The following MRTFA variants were observed in gnomAD, a reference collection of about 807,000 sequenced individuals.
MRTFA encodes the protein myocardin related transcription factor A.
A neutral mutation model predicts 83.5 loss-of-function variants in MRTFA; 20 were observed. The ratio of observed to expected loss-of-function variants is 0.24; its 90% CI spans 0.17 to 0.35. The LOEUF (loss-of-function observed/expected upper bound fraction) is 0.35, where lower values mean the gene tolerates loss of function less well. MRTFA is among the 10% of genes least tolerant of loss of function. The pLI is 1.00. For missense variants in MRTFA, 1,200 were observed against 1,224.7 expected (o/e 0.98, Z 0.30); for synonymous variants, 659 against 541.2 (o/e 1.22, Z -3.02).
intron 1 of MRTFA, among the ~76,000 whole-genome samples, chr22:40,604,738 T>C (rs544078399): frequency 6.6e-6 from 1 of 151,402 alleles, no homozygotes; most frequent in African/African-American, 2.4e-5. Context: ...AGAGCAAGAC[T>C]CCATCTCAAA....
intron 2 of MRTFA, among the ~76,000 whole-genome samples, chr22:40,554,006 C>T (rs1384138251): frequency 6.6e-6 from 1 of 152,192 alleles, no homozygotes; most frequent in Non-Finnish European, 1.5e-5. Flanking sequence ...TCTGACTGCC[C>T]CACTGGATTC....
chr22:40,471,800 A>G (rs1411283613), intron 3 of MRTFA, among the ~76,000 whole-genome samples: 1 of 152,186 alleles, frequency 6.6e-6, no homozygotes, highest in Non-Finnish European at 1.5e-5. Context: ...TGAATCTGGG[A>G]GGTCGAGGCT....
At chr22:40,573,728 C>A (rs2055830274) in intron 2 of MRTFA, among the ~76,000 whole-genome samples, 1 of 148,724 alleles carries the variant, frequency 6.7e-6, no homozygotes, top group Non-Finnish European at 1.5e-5. Context: ...CATAGAGAGG[C>A]CCTGTGTCTT....
At chr22:40,541,697 TG>T (rs2055293377) in intron 3 of MRTFA, among the ~76,000 whole-genome samples, 1 of 152,138 alleles carries the variant, frequency 6.6e-6, no homozygotes, top group Non-Finnish European at 1.5e-5. Flanking sequence ...GAGACAGTCT[TG>T]CTCTGTTGCC....
rs575104677 is a variant in MRTFA, at chr22:40,457,609, C to T, written c.307+5612G>A. On this transcript the variant is annotated intron_variant, in intron 4 of 14. Coordinates refer to ENST00000355630, the MANE Select transcript of MRTFA (RefSeq NM_020831.6). Reference sequence around the variant, plus strand: ...AAATTTTAACTCTGCTATGGGTGCACAGGAACATCATTAGAAATGAAAAAA... The same window carrying T: ...AAATTTTAACTCTGCTATGGGTGCATAGGAACATCATTAGAAATGAAAAAA... Among the ~76,000 whole-genome samples, 8 of 151,968 alleles carry T rather than the reference C, an allele frequency of 5.3e-5. No homozygotes were observed. In the South Asian group the frequency reaches 1.5e-3, roughly 28 times the overall value.
At chr22:40,537,057 A>G (rs1408451435) in intron 3 of MRTFA, among the ~76,000 whole-genome samples, 1 of 28,970 alleles carries the variant, frequency 3.5e-5, no homozygotes, top group Non-Finnish European at 6.3e-5. Flanking sequence ...CCCGTCCGGG[A>G]GGAGGTGGGG....
At chr22:40,609,559 G>A (rs947613217) in intron 1 of MRTFA, among the ~76,000 whole-genome samples, 2 of 151,550 alleles carry the variant, frequency 1.3e-5, no homozygotes, top group Non-Finnish European at 2.9e-5. Flanking sequence ...GGCTGGGCAC[G>A]GTGGTTCACA....
intron 4 of MRTFA, among the ~76,000 whole-genome samples, chr22:40,457,489 G>GAAAGAAAGAAAGAAAGAAA (rs1569276004): frequency 3.0e-5 from 2 of 65,712 alleles, no homozygotes; most frequent in Admixed American, 1.7e-4. Flanking sequence ...AAAGAAAGAA[G>GAAAGAAAGAAAGAAAGAAA]GAAAGAAAGA....
chr22:40,617,424 G>T (rs1210479194), intron 1 of MRTFA, among the ~76,000 whole-genome samples: 1 of 152,118 alleles, frequency 6.6e-6, no homozygotes, highest in Non-Finnish European at 1.5e-5. Context: ...AAAATGGCAG[G>T]TGTGGTAGAA....
At chr22:40,608,491 G>A (rs2056345523) in intron 1 of MRTFA, among the ~76,000 whole-genome samples, 1 of 152,158 alleles carries the variant, frequency 6.6e-6, no homozygotes, top group Admixed American at 6.6e-5. Context: ...CCACTTATGG[G>A]ATAATTACAG....
chr22:40,451,255 A>G lies in MRTFA; in HGVS notation c.307+11966T>C, dbSNP rs149860960. On this transcript the variant is annotated intron_variant, in intron 4 of 14. Transcript: ENST00000355630. ...CTTTAACAAAGACCATCAACCAAAG[A>G]GTTGTCAACAGTTCGAGAGACTGAC... Among the ~76,000 whole-genome samples, 513 of 152,328 alleles carry G rather than the reference A, an allele frequency of 3.4e-3. 1 individual carries two copies. The highest frequency in any genetic ancestry group is 5.2e-3 in the Non-Finnish European group (353 of 68,030).
At chr22:40,604,661 C>T (rs961903504) in intron 1 of MRTFA, among the ~76,000 whole-genome samples, 3 of 151,870 alleles carry the variant, frequency 2.0e-5, no homozygotes, top group African/African-American at 7.3e-5. Context: ...GCAGGAGAAT[C>T]GCTTGAACTC....
chr22:40,451,537 A>C (rs190593588), intron 4 of MRTFA, among the ~76,000 whole-genome samples: 30 of 152,306 alleles, frequency 2.0e-4, no homozygotes, highest in African/African-American at 6.7e-4. Flanking sequence ...CAGGATGCTC[A>C]ATCTTTTCCT....
At chr22:40,587,873 T>G in intron 2 of MRTFA, 1 of 416,292 alleles carries the variant, frequency 2.4e-6, no homozygotes, top group Non-Finnish European at 4.5e-6. Flanking sequence ...TTTGTGCAAG[T>G]TGGTGTGAAC....
chr22:40,413,602 C>T (rs545423962), intron 14 of MRTFA, among the ~76,000 whole-genome samples: 34 of 151,930 alleles, frequency 2.2e-4, no homozygotes, highest in African/African-American at 7.5e-4. Context: ...CCACCATGCC[C>T]GGATAAATTT....
intron 4 of MRTFA, among the ~76,000 whole-genome samples, chr22:40,451,961 G>T (rs2053496218): frequency 8.9e-6 from 1 of 112,678 alleles, no homozygotes; most frequent in Non-Finnish European, 1.7e-5. Flanking sequence ...CCTGGCTGAA[G>T]TTTTTTTTTT....
chr22:40,436,165 C>T (rs1397405528), intron 4 of MRTFA: 1 of 154,858 alleles, frequency 6.5e-6, no homozygotes, highest in African/African-American at 2.4e-5. Context: ...TGGCCCATGA[C>T]TGGACCGTCA....
intron 4 of MRTFA, among the ~76,000 whole-genome samples, chr22:40,458,178 G>A (rs1024607573): frequency 3.3e-5 from 5 of 152,130 alleles, no homozygotes; most frequent in Admixed American, 1.3e-4. Context: ...AGATATGTGC[G>A]AGACATCATT....
At chr22:40,622,920 G>A (rs1217490078) in intron 1 of MRTFA, among the ~76,000 whole-genome samples, 4 of 152,206 alleles carry the variant, frequency 2.6e-5, no homozygotes, top group African/African-American at 9.7e-5. Flanking sequence ...TCAGATTATG[G>A]ATATATCTTG....
Sources: allele counts gnomAD v4.1 joint callset (sites outside exome capture counted in the v4.1 genomes callset), GRCh38; gene constraint gnomAD v4.1.1; transcripts MANE v1.5; gene names NCBI Gene and HGNC (gene_info 2026-07-23, HGNC 2026-07-21).